ATP6V0A4: variants seen among roughly 807,000 people sequenced by gnomAD.
ATP6V0A4 encodes ATPase H+ transporting V0 subunit a4.
Under a neutral mutation model 107.3 loss-of-function variants are expected in ATP6V0A4, and 86 were observed. The observed-to-expected ratio is 0.80, with a 90% CI of 0.67 to 0.96. The LOEUF (loss-of-function observed/expected upper bound fraction) is 0.96. ATP6V0A4 is among the 40% of genes least tolerant of loss of function. ATP6V0A4 has a pLI of 0.00. For synonymous variants in ATP6V0A4, 353 were observed against 381.4 expected, an observed-to-expected ratio of 0.93 and a Z score of 0.87; for missense variants, 908 against 1,045.6, an observed-to-expected ratio of 0.87 and a Z score of 1.81.
At chr7:138,732,742 CA>C (rs1018933628) in intron 17 of ATP6V0A4, 134 bp downstream of exon 17, 13 of 993,834 alleles carry the variant, frequency 1.3e-5, no homozygotes, top group Non-Finnish European at 1.7e-5. Flanking sequence ...TGCAGTGAGT[CA>C]AGATCACGCC....
At chr7:138,746,299 G>A (rs1186991778) in intron 13 of ATP6V0A4, among the ~76,000 whole-genome samples, 6 of 151,708 alleles carry the variant, frequency 4.0e-5, no homozygotes, top group Non-Finnish European at 7.4e-5. Flanking sequence ...GAAGAATAAA[G>A]TGCTTTCTCA....
chr7:138,767,660 A>C (rs1356664418), intron 5 of ATP6V0A4, among the ~76,000 whole-genome samples: 4 of 151,168 alleles, frequency 2.6e-5, no homozygotes, highest in African/African-American at 7.3e-5. Context: ...AAAAAAAAAA[A>C]CCCAGCCAGA....
chr7:138,731,617 G>T lies in ATP6V0A4; in HGVS notation c.1908+1260C>A, dbSNP rs146645241. Among the ~76,000 whole-genome samples, 343 of 152,252 alleles carry T rather than the reference G, an allele frequency of 2.3e-3. 2 individuals are homozygous for T. Among genetic ancestry groups the T allele is most frequent in the African/African-American group, 7.9e-3 (328 of 41,546 alleles). On this transcript the variant is annotated intron_variant, in intron 17 of 21. Transcript: ENST00000310018. ...CTTTTAAAAATAAAATATTGGCCAGGTGTGGTGGTTCACACCTGTAATCCC... is the reference window on the plus strand; with the variant it reads ...CTTTTAAAAATAAAATATTGGCCAGTTGTGGTGGTTCACACCTGTAATCCC...
intron 5 of ATP6V0A4, among the ~76,000 whole-genome samples, chr7:138,765,629 G>A (rs1425714662): frequency 2.0e-5 from 3 of 152,146 alleles, no homozygotes; most frequent in Non-Finnish European, 2.9e-5. Flanking sequence ...TAGCAATGTT[G>A]GGGGAACACA....
Position 138,781,566 on chromosome 7 carries a change from G to A in ATP6V0A4, c.-18+4592C>T, listed in dbSNP as rs186632199. On this transcript the variant is annotated intron_variant, in intron 2 of 21. Coordinates refer to ENST00000310018, the MANE Select transcript of ATP6V0A4 (RefSeq NM_020632.3). ...AGGCTGGTCTTGAACTCCTAACCTCGTGATCCACCCACCCTGGCCTCCCAA... is the reference window on the plus strand; with the variant it reads ...AGGCTGGTCTTGAACTCCTAACCTCATGATCCACCCACCCTGGCCTCCCAA... Among the ~76,000 whole-genome samples the A allele has an allele frequency of 8.5e-5, 13 of 152,194 alleles. No homozygotes were observed. The East Asian group carries it at 9.6e-4, about 11-fold the overall frequency.
At chr7:138,764,766 C>G (rs1047892246) in intron 5 of ATP6V0A4, 1 of 152,190 alleles carries the variant, frequency 6.6e-6, no homozygotes, top group Non-Finnish European at 1.5e-5. Context: ...TTTAATCCAT[C>G]TAAAAGACAC....
chr7:138,722,388 C>A (rs1000076270), intron 18 of ATP6V0A4, among the ~76,000 whole-genome samples: 1 of 151,548 alleles, frequency 6.6e-6, no homozygotes, highest in African/African-American at 2.4e-5. Flanking sequence ...TGCCCAGCTG[C>A]GTGTGGTGAC....
At chr7:138,758,702 C>T (rs75294674) in intron 8 of ATP6V0A4, among the ~76,000 whole-genome samples, 2,863 of 144,012 alleles carry the variant, frequency 0.02, 107 homozygotes, top group African/African-American at 0.068. Flanking sequence ...GTAAGAACTG[C>T]GGAATCTCAG....
At chr7:138,719,835 C>T (rs1355248064) in intron 19 of ATP6V0A4, among the ~76,000 whole-genome samples, 1 of 152,162 alleles carries the variant, frequency 6.6e-6, no homozygotes, top group Non-Finnish European at 1.5e-5. Flanking sequence ...GCCTGGCCAA[C>T]AGGGTGAAAT....
chr7:138,718,511 C>T (rs954762865), intron 19 of ATP6V0A4, among the ~76,000 whole-genome samples: 4 of 110,618 alleles, frequency 3.6e-5, no homozygotes, highest in Non-Finnish European at 7.0e-5. Context: ...CGGAGGGAGA[C>T]GTCCAGGAAG....
At chr7:138,712,713 A>G (rs1475565401) in intron 20 of ATP6V0A4, among the ~76,000 whole-genome samples, 1 of 151,764 alleles carries the variant, frequency 6.6e-6, no homozygotes, top group Non-Finnish European at 1.5e-5. Flanking sequence ...GCAGGCAGCC[A>G]TGAACCATAT....
chr7:138,745,687 C>T (rs1805888419), intron 13 of ATP6V0A4, among the ~76,000 whole-genome samples: 1 of 69,676 alleles, frequency 1.4e-5, no homozygotes, highest in Non-Finnish European at 2.8e-5. Context: ...GGTGTGATGG[C>T]TCACACCTGT....
intron 13 of ATP6V0A4, among the ~76,000 whole-genome samples, chr7:138,746,111 C>A (rs1805942094): frequency 1.9e-5 from 2 of 107,184 alleles, no homozygotes; most frequent in Non-Finnish European, 4.1e-5. Flanking sequence ...GAAGTGCAAG[C>A]AAGGCCTCAT....
intron 18 of ATP6V0A4, among the ~76,000 whole-genome samples, chr7:138,724,288 C>T (rs1480492768): frequency 2.6e-5 from 4 of 152,124 alleles, no homozygotes; most frequent in Middle Eastern, 3.4e-3. Flanking sequence ...TCAGAATTCA[C>T]GCCATGCCAT....
chr7:138,730,341 AGTGTGTGTGTGTGTGTGTGTGT>A (rs369725759), intron 17 of ATP6V0A4, among the ~76,000 whole-genome samples: 160 of 140,140 alleles, frequency 1.1e-3, no homozygotes, highest in Non-Finnish European at 2.1e-3. Flanking sequence ...CAACGGGATG[AGTGTGTGTGTGTGTGTGTGTGT>A]GTGTGTGTGT....
In ATP6V0A4 at chr7:138,781,181, C is replaced by T. The variant is rs149760884; in HGVS notation, c.-18+4977G>A. On this transcript the variant is annotated intron_variant, in intron 2 of 21. Coordinates refer to ENST00000310018, the MANE Select transcript of ATP6V0A4 (RefSeq NM_020632.3). ...AGTTGATATTCCCCTGAGGTAGGACCGTGAAGGTGTACTGCTGGCCTTGCC... is the reference window on the plus strand; with the variant it reads ...AGTTGATATTCCCCTGAGGTAGGACTGTGAAGGTGTACTGCTGGCCTTGCC... 1.2e-3 allele frequency among the ~76,000 whole-genome samples: 183 copies of T among 152,298 alleles called. 5 individuals are homozygous for T. In the East Asian group the frequency reaches 0.031, roughly 26 times the overall value.
At chr7:138,728,227 A>T (rs1005407726) in intron 18 of ATP6V0A4, among the ~76,000 whole-genome samples, 4 of 123,464 alleles carry the variant, frequency 3.2e-5, no homozygotes, top group Admixed American at 9.3e-5. Flanking sequence ...GGTTTATTTT[A>T]TTTTATTTTA....
intron 8 of ATP6V0A4, among the ~76,000 whole-genome samples, chr7:138,757,199 A>C (rs1405319436): frequency 1.3e-5 from 2 of 152,194 alleles, no homozygotes; most frequent in Non-Finnish European, 2.9e-5. Flanking sequence ...AATCTTATTT[A>C]GTTTGAGGGG....
Position 138,759,795 on chromosome 7 carries a change from A to C in ATP6V0A4, c.596T>G (p.Leu199Trp). 1 of 1,614,180 alleles carries C rather than the reference A, an allele frequency of 6.2e-7. No homozygotes were observed. The highest frequency in any genetic ancestry group is 1.1e-5 in the South Asian group (1 of 91,076). ...LWRICRGNVY[L>W]KFSEMDAPLE... ...AGGGGCGTCCATCTCACTGAACTTC[A>C]AGTACACGTTTCCTCGGCAGATTCG... Residue 199 changes from leucine (L) to tryptophan (W), a missense_variant, in exon 8 of 22, where the codon TTG (leucine) becomes TGG (tryptophan). Leu to Trp is a moderately conservative substitution (Grantham distance 61). Coordinates refer to ENST00000310018, the MANE Select transcript of ATP6V0A4 (RefSeq NM_020632.3).
Sources: gnomAD v4.1 joint callset for allele counts (sites outside exome capture counted in the v4.1 genomes callset) on GRCh38, gnomAD v4.1.1 for gene constraint, MANE v1.5 for transcripts, NCBI Gene and HGNC (gene_info 2026-07-23, HGNC 2026-07-21) for gene names.